The following DNAJC7 variants were observed in gnomAD, a reference collection of about 807,000 sequenced individuals.
DNAJC7 encodes DnaJ heat shock protein family (Hsp40) member C7, also known as dnaJ homolog subfamily C member 7.
DNAJC7 carries 18 observed loss-of-function variants against 67.4 expected under a neutral mutation model. The observed-to-expected ratio is 0.27, with a 90% confidence interval of 0.18 to 0.40. DNAJC7 has a LOEUF of 0.40. DNAJC7 is among the 10% of genes least tolerant of loss of function. The pLI is 1.00. For synonymous variants in DNAJC7, 220 were observed against 207.8 expected (o/e 1.06, Z -0.50); for missense variants, 419 against 613.8 (o/e 0.68, Z 3.35).
intron 1 of DNAJC7, among the ~76,000 whole-genome samples, chr17:42,004,424 T>C (rs2051891598): frequency 6.6e-6 from 1 of 152,214 alleles, no homozygotes; most frequent in Non-Finnish European, 1.5e-5. Flanking sequence ...AGATTAAAAC[T>C]AATTTATCCA....
chr17:41,981,168 C>T (rs1304321883), intron 12 of DNAJC7, among the ~76,000 whole-genome samples: 4 of 152,092 alleles, frequency 2.6e-5, no homozygotes, highest in Non-Finnish European at 5.9e-5. Flanking sequence ...CACCACCACA[C>T]CTGGCTAATT....
rs149558791 is a variant in DNAJC7, at chr17:41,976,939, ACT to A, written c.1448-171_1448-170del. The A allele has an allele frequency of 1.7e-3, 1,272 of 740,082 alleles. 15 individuals are homozygous for A. The African/African-American group carries it at 0.018, about 11-fold the overall frequency. 45.8% of individuals were successfully genotyped at this position (740,082 alleles called of 1,614,324 possible). On this transcript the variant is annotated intron_variant, in intron 13 of 13. Coordinates refer to ENST00000457167, the MANE Select transcript of DNAJC7 (RefSeq NM_003315.4). ...TTTTGGGTGCAAGAGGGAGCACGTG[ACT>A]GTATTATACATGGGTAGCTTCTGAC... is the stretch of plus-strand genomic sequence containing the variant.
intron 10 of DNAJC7, among the ~76,000 whole-genome samples, chr17:41,983,269 C>T (rs1161552835): frequency 1.3e-5 from 2 of 152,074 alleles, no homozygotes; most frequent in East Asian, 1.9e-4. Flanking sequence ...GGATTACAGG[C>T]GTATACCACC....
At chr17:41,978,308 CTG>C (rs2051145257) in intron 12 of DNAJC7, among the ~76,000 whole-genome samples, 1 of 152,196 alleles carries the variant, frequency 6.6e-6, no homozygotes, top group Non-Finnish European at 1.5e-5. Flanking sequence ...CTGCTTGCAT[CTG>C]TGTGTCTTCC....
intron 1 of DNAJC7, chr17:42,014,938 G>A (rs1338733176): frequency 9.2e-5 from 14 of 151,858 alleles, no homozygotes; most frequent in African/African-American, 3.4e-4. Flanking sequence ...TTAATTTACA[G>A]TTACATTTTC....
At chr17:41,984,314 T>TC (rs1266072750) in intron 9 of DNAJC7, 1 of 149,158 alleles carries the variant, frequency 6.7e-6, no homozygotes, top group African/African-American at 2.5e-5. Context: ...TTTTTTTTTT[T>TC]TTTTTTTGAG....
At chr17:41,987,499 A>AT (rs1488505956) in intron 9 of DNAJC7, 17 of 296,900 alleles carry the variant, frequency 5.7e-5, no homozygotes, top group African/African-American at 3.1e-4. Flanking sequence ...AGGGTAGAGC[A>AT]TAAGTGTACA....
intron 1 of DNAJC7, among the ~76,000 whole-genome samples, chr17:42,004,224 G>C (rs2051886545): frequency 6.6e-6 from 1 of 152,152 alleles, no homozygotes; most frequent in Non-Finnish European, 1.5e-5. Context: ...CAAAGTGCTA[G>C]TAGGATTAAA....
intron 12 of DNAJC7, among the ~76,000 whole-genome samples, chr17:41,979,266 G>A (rs2051177090): frequency 6.6e-6 from 1 of 151,812 alleles, no homozygotes; most frequent in Non-Finnish European, 1.5e-5. Flanking sequence ...TTGAACCTGG[G>A]AGGTGGAGGT....
At position 41,994,875 on chromosome 17, in the gene DNAJC7, G is replaced by A. The variant is rs1346751595; in HGVS notation, c.475C>T (p.Arg159Trp). 5 of 1,613,826 alleles carry A rather than the reference G, an allele frequency of 3.1e-6. No individual in the cohort carries two copies. The highest frequency in any genetic ancestry group is 3.3e-5 in the Admixed American group (2 of 60,010). The part of the protein sequence containing the change: ...AETDFEKRDF[R>W]KVVFCMDRAL... ...ATCTCATGGTTGTACTGTACCTTCC[G>A]AAAATCTCGCTTCTCAAAATCTGTT... Residue 159 changes from arginine (R) to tryptophan (W), a missense_variant, in exon 5 of 14, where the codon CGG becomes TGG. Arg to Trp is a moderately radical substitution (Grantham distance 101). Coordinates refer to ENST00000457167, the MANE Select transcript of DNAJC7 (RefSeq NM_003315.4).
intron 5 of DNAJC7, among the ~76,000 whole-genome samples, chr17:41,993,329 G>T (rs1178035357): frequency 2.0e-5 from 3 of 152,120 alleles, no homozygotes; most frequent in East Asian, 1.9e-4. Context: ...CGTGGTGGTG[G>T]CCGCCTGTAG....
chr17:41,982,098 G>T (rs2051266264), intron 11 of DNAJC7, 91 bp from the exon 12 acceptor site: 5 of 1,565,002 alleles, frequency 3.2e-6, no homozygotes, highest in African/African-American at 1.4e-5. Context: ...TCTAATTTTG[G>T]AATTTGGCAC....
chr17:41,995,988 T>C (rs1247711613), intron 4 of DNAJC7, among the ~76,000 whole-genome samples: 2 of 152,228 alleles, frequency 1.3e-5, no homozygotes, highest in Non-Finnish European at 2.9e-5. Context: ...AAAAATTTTT[T>C]TGTGGAGACA....
intron 1 of DNAJC7, among the ~76,000 whole-genome samples, chr17:42,005,908 T>C (rs1202900663): frequency 6.9e-6 from 1 of 145,744 alleles, no homozygotes; most frequent in Admixed American, 6.8e-5. Context: ...GCCTGGCCAA[T>C]TTTTTTTTGA....
chr17:42,008,835 G>C (rs2052043662), intron 1 of DNAJC7, among the ~76,000 whole-genome samples: 1 of 152,204 alleles, frequency 6.6e-6, no homozygotes, highest in Non-Finnish European at 1.5e-5. Context: ...AGCCTCCTGA[G>C]TAGCTGAGAT....
At chr17:41,989,148 A>G (rs781797637) in intron 7 of DNAJC7, among the ~76,000 whole-genome samples, 3 of 152,228 alleles carry the variant, frequency 2.0e-5, no homozygotes, top group Admixed American at 6.5e-5. Flanking sequence ...AAGTATTACT[A>G]TCTATCTTCA....
intron 9 of DNAJC7, 94 bp from the exon 10 acceptor site, chr17:41,983,730 G>A (rs915103624): frequency 5.6e-6 from 6 of 1,063,444 alleles, no homozygotes; most frequent in Non-Finnish European, 8.2e-6. Flanking sequence ...TCAAGCAAGA[G>A]ACACACACTT....
intron 4 of DNAJC7, 78 bp from the exon 5 acceptor site, chr17:41,995,022 T>G: frequency 3.2e-5 from 37 of 1,160,424 alleles, no homozygotes; most frequent in Non-Finnish European, 4.5e-5. Context: ...AACAAGGCCT[T>G]GATGAATTTG....
intron 5 of DNAJC7, among the ~76,000 whole-genome samples, chr17:41,993,479 A>AAAAAC (rs1371438692): frequency 6.6e-6 from 1 of 152,040 alleles, no homozygotes; most frequent in Non-Finnish European, 1.5e-5. Flanking sequence ...AAAACAAAAC[A>AAAAAC]AAAACAAAAC....
Sources: gnomAD v4.1 joint callset for allele counts (sites outside exome capture counted in the v4.1 genomes callset) on GRCh38, gnomAD v4.1.1 for gene constraint, MANE v1.5 for transcripts, NCBI Gene and HGNC (gene_info 2026-07-23, HGNC 2026-07-21) for gene names.